Variants in TMEM163 observed in about 807,000 individuals in gnomAD.
TMEM163 encodes transmembrane protein 163.
TMEM163 carries 17 observed loss-of-function variants against 29.3 expected under a neutral mutation model. The ratio of observed to expected loss-of-function variants is 0.58; its 90% CI spans 0.40 to 0.87. The LOEUF (loss-of-function observed/expected upper bound fraction) is 0.87, where lower values mean the gene tolerates loss of function less well. Ranked by LOEUF, TMEM163 falls within the 40% of genes least tolerant of loss-of-function variation. The probability of loss-of-function intolerance (pLI) is 0.00; values close to 1 mark genes in which losing one functional copy is unlikely to be tolerated. For synonymous variants in TMEM163, 157 were observed against 160.6 expected (o/e 0.98, Z 0.17); for missense variants, 303 against 381.5 (o/e 0.79, Z 1.71).
chr2:134,669,293 A>C (rs1288397399), intron 2 of TMEM163, among the ~76,000 whole-genome samples: 1 of 152,192 alleles, frequency 6.6e-6, no homozygotes, highest in Non-Finnish European at 1.5e-5. Flanking sequence ...CTCGGTCACA[A>C]GGTACCGAGT....
chr2:134,488,006 TAA>T (rs397949314), intron 5 of TMEM163, among the ~76,000 whole-genome samples: 1 of 145,044 alleles, frequency 6.9e-6, no homozygotes, highest in Admixed American at 6.9e-5. Context: ...AATCTCCATT[TAA>T]AAAAAAAAAA....
chr2:134,575,115 A>G (rs1681522443), intron 2 of TMEM163, among the ~76,000 whole-genome samples: 1 of 152,050 alleles, frequency 6.6e-6, no homozygotes, highest in African/African-American at 2.4e-5. Flanking sequence ...GGAGGAAGGG[A>G]ACGCAATGAC....
chr2:134,578,791 T>C (rs2104792686), intron 2 of TMEM163, among the ~76,000 whole-genome samples: 1 of 152,238 alleles, frequency 6.6e-6, no homozygotes, highest in East Asian at 1.9e-4. Context: ...AGGCAGTGTG[T>C]GTGCATGTGT....
chr2:134,671,779 C>T lies in TMEM163; in HGVS notation c.322+41421G>A, dbSNP rs115962695. Among the ~76,000 whole-genome samples the T allele has an allele frequency of 4.2e-3, 643 of 152,324 alleles. 11 individuals are homozygous for T. Among genetic ancestry groups the T allele is most frequent in the African/African-American group, 0.015 (606 of 41,568 alleles). On this transcript the variant is annotated intron_variant, in intron 2 of 7. Transcript: ENST00000281924. ...GCTTGACACAGGCTTTAGAGCCACACCCAGCCATCTGAGTCCAAATCCTAG... is the reference window on the plus strand; with the variant it reads ...GCTTGACACAGGCTTTAGAGCCACATCCAGCCATCTGAGTCCAAATCCTAG...
At position 134,655,860 on chromosome 2, in the gene TMEM163, G is replaced by A. The variant is rs1266177890; in HGVS notation, c.322+57340C>T. Among the ~76,000 whole-genome samples, 15 of 137,914 alleles carry A rather than the reference G, an allele frequency of 1.1e-4. 1 individual carries two copies. Among genetic ancestry groups the A allele is most frequent in the African/African-American group, 2.6e-4 (8 of 30,952 alleles). The allele number at this position is 137,914 out of a possible 152,430, so 90.5% of individuals were successfully genotyped here. A position where few individuals can be genotyped will look rare whatever the true frequency, so the allele number is the denominator to read the frequency against. On this transcript the variant is annotated intron_variant, in intron 2 of 7. Transcript: ENST00000281924. ...GGGGTGCCTCCCAGTTAGGCTGCTC[G>A]GGGGTCAGGGGTCAGGGACCCACTT...
intron 5 of TMEM163, among the ~76,000 whole-genome samples, chr2:134,483,956 C>T (rs1679259675): frequency 1.3e-5 from 2 of 152,088 alleles, no homozygotes; most frequent in South Asian, 4.1e-4. Flanking sequence ...CCAGCCTGGC[C>T]AACATGGCAA....
rs1203631238 is a variant in TMEM163, at chr2:134,680,406, C to T, written c.322+32794G>A. ...TATGGAGGCTGTAGTGAGGCGAGAT[C>T]GCACCACTGTACTCCAACCTGGGCT... is the stretch of plus-strand genomic sequence containing the variant. On this transcript the variant is annotated intron_variant, in intron 2 of 7. Transcript: ENST00000281924. 4.6e-5 allele frequency among the ~76,000 whole-genome samples: 7 copies of T among 151,732 alleles called. No individual in the cohort carries two copies. The South Asian group carries it at 6.2e-4, about 14-fold the overall frequency.
In TMEM163 at chr2:134,606,840, T is replaced by C. The variant is rs1229599842; in HGVS notation, c.323-54749A>G. On this transcript the variant is annotated intron_variant, in intron 2 of 7. Transcript: ENST00000281924. ...AGTGAATCTCTGGATTTGGTAAACTTTCGTTTGGCGAAAAGCAGTTTCAAT... is the reference window on the plus strand; with the variant it reads ...AGTGAATCTCTGGATTTGGTAAACTCTCGTTTGGCGAAAAGCAGTTTCAAT... Among the ~76,000 whole-genome samples, 7 of 152,184 alleles carry C rather than the reference T, an allele frequency of 4.6e-5. No individual in the cohort carries two copies. In the East Asian group the frequency reaches 7.7e-4, roughly 17 times the overall value.
chr2:134,681,519 C>A (rs185289603), intron 2 of TMEM163, among the ~76,000 whole-genome samples: 8 of 152,244 alleles, frequency 5.3e-5, no homozygotes, highest in Admixed American at 6.5e-5. Context: ...ACCCCCCACT[C>A]TTTCTCTTTC....
intron 2 of TMEM163, among the ~76,000 whole-genome samples, chr2:134,675,965 T>C (rs1558987987): frequency 6.6e-6 from 1 of 152,096 alleles, no homozygotes; most frequent in Non-Finnish European, 1.5e-5. Context: ...CCTAGCAGAT[T>C]TCACAGTCAG....
At position 134,460,753 on chromosome 2, in the gene TMEM163, C is replaced by CA. The variant is rs1486587712; in HGVS notation, c.668-2581dup. On this transcript the variant is annotated intron_variant, in intron 6 of 7. Coordinates refer to ENST00000281924, the MANE Select transcript of TMEM163 (RefSeq NM_030923.5). The surrounding 1 kb of genome is among the most constrained non-coding windows in gnomAD (Gnocchi z 4.3). ...CCAAGTCACCCGCTCTGCCAGCCAG[C>CA]ACCAAGGCCGGCCCAGCTTGCTATT... Among the ~76,000 whole-genome samples the CA allele has an allele frequency of 3.9e-5, 6 of 152,194 alleles. No individual in the cohort carries two copies. In the East Asian group the frequency reaches 1.2e-3, roughly 29 times the overall value.
At chr2:134,570,966 AAC>A (rs916685785) in intron 2 of TMEM163, among the ~76,000 whole-genome samples, 13 of 152,334 alleles carry the variant, frequency 8.5e-5, no homozygotes, top group African/African-American at 3.1e-4. Context: ...TGCTTAAACT[AAC>A]ATGAGGATTT....
intron 5 of TMEM163, chr2:134,466,950 C>T (rs928789461): frequency 1.3e-5 from 2 of 152,184 alleles, no homozygotes; most frequent in Non-Finnish European, 2.9e-5. Flanking sequence ...AGAGACACAG[C>T]CTTCAGATTT....
At chr2:134,477,247 T>C (rs1044972017) in intron 5 of TMEM163, among the ~76,000 whole-genome samples, 4 of 152,210 alleles carry the variant, frequency 2.6e-5, no homozygotes, top group African/African-American at 9.7e-5. Context: ...TCTAGGGAGA[T>C]AGACATAAAT....
chr2:134,469,603 G>A (rs1686746871), intron 5 of TMEM163: 1 of 150,040 alleles, frequency 6.7e-6, no homozygotes, highest in African/African-American at 2.5e-5. Flanking sequence ...AAGCGGCTCC[G>A]GTGCTGCCGC....
intron 2 of TMEM163, among the ~76,000 whole-genome samples, chr2:134,708,359 AT>A (rs1684861319): frequency 6.6e-6 from 1 of 152,176 alleles, no homozygotes; most frequent in Non-Finnish European, 1.5e-5. Context: ...GTGCAATTTC[AT>A]TTTATCCATC....
intron 4 of TMEM163, among the ~76,000 whole-genome samples, chr2:134,534,274 T>TA (rs75419639): frequency 0.56 from 85,271 of 151,484 alleles, 25,065 homozygotes; most frequent in East Asian, 0.84. Flanking sequence ...TGGACTTTTT[T>TA]AAAAAAAATG....
At chr2:134,713,642 G>C (rs1287330423) in intron 1 of TMEM163, 2 of 495,446 alleles carry the variant, frequency 4.0e-6, no homozygotes, top group Non-Finnish European at 7.9e-6. Context: ...GTGTTATGTT[G>C]CTTGGCCTCA....
At chr2:134,624,763 G>T (rs1682812623) in intron 2 of TMEM163, among the ~76,000 whole-genome samples, 1 of 151,930 alleles carries the variant, frequency 6.6e-6, no homozygotes. Context: ...ACAAAAATTA[G>T]CCAGGCATGG....
Sources: gnomAD v4.1 joint callset for allele counts (sites outside exome capture counted in the v4.1 genomes callset) on GRCh38, gnomAD v4.1.1 for gene constraint, Gnocchi (gnomAD v3.1) non-coding constraint, MANE v1.5 for transcripts, NCBI Gene and HGNC (gene_info 2026-07-23, HGNC 2026-07-21) for gene names.